Variants in VWDE observed in about 807,000 individuals in gnomAD.
VWDE encodes the protein von Willebrand factor D and EGF domains, also known as von Willebrand factor D and EGF domain-containing protein.
A neutral mutation model predicts 178.4 loss-of-function variants in VWDE; 207 were observed. That is an observed-to-expected ratio of 1.16 (90% CI 1.04 to 1.30). The LOEUF (loss-of-function observed/expected upper bound fraction) is 1.30, where lower values mean the gene tolerates loss of function less well. VWDE is among the 50% of genes most tolerant of loss of function. VWDE has a pLI of 0.00. For missense variants in VWDE, 2,287 were observed against 1,901.3 expected (o/e 1.20, Z -3.77); for synonymous variants, 738 against 651.4 (o/e 1.13, Z -2.02).
chr7:12,338,818 C>T (rs1220119004), intron 24 of VWDE, among the ~76,000 whole-genome samples: 1 of 152,078 alleles, frequency 6.6e-6, no homozygotes, highest in Non-Finnish European at 1.5e-5. Flanking sequence ...ACATCCTAAG[C>T]CTTGCTTACT....
At chr7:12,396,755 A>T (rs1583358694) in intron 1 of VWDE, among the ~76,000 whole-genome samples, 2 of 85,014 alleles carry the variant, frequency 2.4e-5, no homozygotes, top group South Asian at 8.3e-4. Context: ...ATCTCTACTT[A>T]AAAAAAAAAA....
intron 2 of VWDE, among the ~76,000 whole-genome samples, chr7:12,393,096 G>T (rs1260584732): frequency 6.6e-6 from 1 of 152,130 alleles, no homozygotes; most frequent in Non-Finnish European, 1.5e-5. Context: ...CTTAGAATAG[G>T]AGGTGCTGAG....
chr7:12,338,099 G>T (rs996806147), intron 24 of VWDE, among the ~76,000 whole-genome samples: 2 of 151,956 alleles, frequency 1.3e-5, no homozygotes, highest in African/African-American at 2.4e-5. Flanking sequence ...GACTAGTGTG[G>T]ACTGACGCCC....
intron 18 of VWDE, among the ~76,000 whole-genome samples, chr7:12,352,290 C>G (rs568690544): frequency 1.3e-5 from 2 of 152,290 alleles, no homozygotes; most frequent in Non-Finnish European, 2.9e-5. Flanking sequence ...GCCCTTCATG[C>G]TATTGATTCT....
intron 3 of VWDE, among the ~76,000 whole-genome samples, chr7:12,385,201 C>A (rs1010016788): frequency 6.6e-6 from 1 of 152,014 alleles, no homozygotes; most frequent in Non-Finnish European, 1.5e-5. Flanking sequence ...AGAATCAAAA[C>A]GTCTTCATGA....
rs367632330 is a variant in VWDE, at chr7:12,375,028, G to A, written c.1224C>T (p.Tyr408=). The part of the protein sequence containing the change: ...IVNEDFLWNN[Y]IPDSIQIKVK... Reference sequence around the variant, plus strand: ...TGTCAACCTGGATGCTGTCTGGAATGTAGTTGTTCCACAGGAAATCCTCAT... The same window carrying A: ...TGTCAACCTGGATGCTGTCTGGAATATAGTTGTTCCACAGGAAATCCTCAT... Residue 408 remains tyrosine, a synonymous_variant, in exon 8 of 29, where the codon TAC becomes TAT. Transcript: ENST00000275358. The A allele has an allele frequency of 6.5e-5, 101 of 1,551,144 alleles. No individual in the cohort carries two copies. The African/African-American group carries it at 1.3e-3, about 20-fold the overall frequency.
At chr7:12,400,404 A>G (rs557006155) in intron 1 of VWDE, among the ~76,000 whole-genome samples, 2 of 152,168 alleles carry the variant, frequency 1.3e-5, no homozygotes, top group Non-Finnish European at 2.9e-5. Context: ...TGAAAACCTT[A>G]TTAAGGAATA....
chr7:12,368,553 G>A (rs575485449), intron 12 of VWDE, among the ~76,000 whole-genome samples: 13 of 152,262 alleles, frequency 8.5e-5, no homozygotes, highest in African/African-American at 3.1e-4. Flanking sequence ...GAAAAGCAGT[G>A]AGCTGGGAGA....
chr7:12,361,366 C>A lies in VWDE; in HGVS notation c.3054G>T (p.Lys1018Asn). 1 of 1,544,082 alleles carries A rather than the reference C, an allele frequency of 6.5e-7. No homozygotes were observed. The highest frequency in any genetic ancestry group is 8.7e-7 in the Non-Finnish European group (1 of 1,144,568). The change falls in exon 14 of 29, where the codon AAG (lysine) becomes AAT (asparagine). Residue 1018 changes from lysine (K) to asparagine (N), a missense_variant and splice_region_variant. Coordinates refer to ENST00000275358, the MANE Select transcript of VWDE (RefSeq NM_001135924.3). ...ATGAAGATGTCTTTTTATTTTTTAC[C>A]TTCAACTGCCACTTCCCAGTTGGTT... is the stretch of plus-strand genomic sequence containing the variant. ...GGKPTGKWQL[K>N]VSNDGYKFSN...
At chr7:12,340,498 G>T in intron 23 of VWDE, 81 bp from the exon 24 acceptor site, 1 of 956,032 alleles carries the variant, frequency 1.0e-6, no homozygotes, top group Non-Finnish European at 1.6e-6. Context: ...GCAAAATGGT[G>T]CATAATGAAA....
intron 6 of VWDE, 36 bp from the exon 7 acceptor site, chr7:12,377,956 A>G (rs1435435255): frequency 7.5e-7 from 1 of 1,331,064 alleles, no homozygotes. Context: ...ATTATGTTAA[A>G]ATATAATTTA....
chr7:12,370,339 AC>A lies in VWDE; in HGVS notation c.1966del (p.Val656SerfsTer6). The stretch of plus-strand genomic sequence containing the variant: ...TTCTGGTATCAAAGAAGATAAGCTG[AC>A]ATGATTGAGGTCTTTGCAACCCAAG... ...IALGCKDLNH[V>X]SLSSLIPELD... On this transcript the variant is annotated frameshift_variant, in exon 12 of 29. Transcript: ENST00000275358. LOFTEE classifies it high-confidence loss of function. 1 of 1,551,296 alleles carries A rather than the reference AC, an allele frequency of 6.4e-7. No individual in the cohort carries two copies. The highest frequency in any genetic ancestry group is 1.2e-5 in the South Asian group (1 of 84,062).
At position 12,370,338 on chromosome 7, in the gene VWDE, G is replaced by T; in HGVS notation, c.1968C>A (p.Val656=). ...GTTCTGGTATCAAAGAAGATAAGCT[G>T]ACATGATTGAGGTCTTTGCAACCCA... ...IALGCKDLNH[V]SLSSLIPELD... is the part of the protein sequence containing the mutation. The change falls in exon 12 of 29, where the codon GTC becomes GTA. Residue 656 remains valine, a synonymous_variant. Coordinates refer to ENST00000275358, the MANE Select transcript of VWDE (RefSeq NM_001135924.3). The T allele has an allele frequency of 6.4e-7, 1 of 1,551,208 alleles. No individual in the cohort carries two copies. Among genetic ancestry groups the T allele is most frequent in the South Asian group, 1.2e-5 (1 of 84,054 alleles).
At chr7:12,399,066 T>A (rs570795990) in intron 1 of VWDE, among the ~76,000 whole-genome samples, 84 of 151,938 alleles carry the variant, frequency 5.5e-4, no homozygotes, top group East Asian at 2.5e-3. Flanking sequence ...AGATTTTTTT[T>A]AAAAAAAATA....
Position 12,359,709 on chromosome 7 carries a change from A to T in VWDE, c.3160-17T>A, listed in dbSNP as rs906590905. 4.7e-5 allele frequency: 69 copies of T among 1,482,936 alleles called. No individual in the cohort carries two copies. Among genetic ancestry groups the T allele is most frequent in the Non-Finnish European group, 5.8e-5 (64 of 1,094,404 alleles). 91.9% of individuals were successfully genotyped at this position (1,482,936 alleles called of 1,614,324 possible). ...AACATTTTCCTAATGGAAAATTTTT[A>T]AAAAAGAAAACATCAAAGTACAGCG... On this transcript the variant is annotated splice_polypyrimidine_tract_variant and intron_variant, in intron 15 of 28. Transcript: ENST00000275358.
At chr7:12,341,703 T>C (rs2192827) in intron 23 of VWDE, among the ~76,000 whole-genome samples, 1,708 of 152,120 alleles carry the variant, frequency 0.011, 37 homozygotes, top group African/African-American at 0.039. Context: ...TAATTCAGAA[T>C]TGCTTAGATA....
At chr7:12,401,565 G>C (rs1204000550) in intron 1 of VWDE, among the ~76,000 whole-genome samples, 3 of 152,124 alleles carry the variant, frequency 2.0e-5, no homozygotes, top group Non-Finnish European at 4.4e-5. Flanking sequence ...TAGCCATTAG[G>C]AAAATGACAA....
chr7:12,350,007 T>A (rs1383360480), intron 19 of VWDE, among the ~76,000 whole-genome samples: 1 of 151,940 alleles, frequency 6.6e-6, no homozygotes, highest in Non-Finnish European at 1.5e-5. Flanking sequence ...AATCTAAAAT[T>A]ACTCCCCAAA....
intron 3 of VWDE, 192 bp downstream of exon 3, chr7:12,388,935 C>G (rs1583346412): frequency 2.8e-6 from 2 of 710,414 alleles, no homozygotes; most frequent in African/African-American, 1.8e-5. Flanking sequence ...TGTGGGGGGA[C>G]TTTACAATCT....
Sources: allele counts gnomAD v4.1 joint callset (sites outside exome capture counted in the v4.1 genomes callset), GRCh38; gene constraint gnomAD v4.1.1; transcripts MANE v1.5; gene names NCBI Gene and HGNC (gene_info 2026-07-23, HGNC 2026-07-21).